Variants in CTNNA2 observed in about 807,000 individuals in gnomAD.
CTNNA2 encodes catenin alpha-2.
In CTNNA2, 42 loss-of-function variants were observed where a neutral mutation model predicts 101.0. That is an observed-to-expected ratio of 0.42 (90% CI 0.32 to 0.54). The LOEUF (loss-of-function observed/expected upper bound fraction) is 0.54. CTNNA2 is among the 20% of genes least tolerant of loss of function. CTNNA2 has a pLI of 0.14. For synonymous variants in CTNNA2, 450 were observed against 456.4 expected (o/e 0.99, Z 0.18); for missense variants, 871 against 1,223.1 (o/e 0.71, Z 4.29).
intron 3 of CTNNA2, among the ~76,000 whole-genome samples, chr2:79,777,318 A>G (rs1020250822): frequency 6.8e-6 from 1 of 146,598 alleles, no homozygotes; most frequent in Non-Finnish European, 1.5e-5. Flanking sequence ...CCCATACCAA[A>G]CACTTGTTAT....
At chr2:79,901,662 G>A (rs1685075159) in intron 6 of CTNNA2, among the ~76,000 whole-genome samples, 1 of 152,162 alleles carries the variant, frequency 6.6e-6, no homozygotes, top group South Asian at 2.1e-4. Flanking sequence ...AATGTTGAAA[G>A]CCAGAAAGTG....
At chr2:79,750,264 G>T (rs1465571241) in intron 3 of CTNNA2, among the ~76,000 whole-genome samples, 4 of 152,166 alleles carry the variant, frequency 2.6e-5, no homozygotes, top group African/African-American at 4.8e-5. Flanking sequence ...TAATTGAGGG[G>T]TTCTCAAACT....
At chr2:80,543,728 C>G (rs991283584) in intron 9 of CTNNA2, among the ~76,000 whole-genome samples, 1 of 152,164 alleles carries the variant, frequency 6.6e-6, no homozygotes, top group Non-Finnish European at 1.5e-5. Context: ...CCTAAGGTTT[C>G]TTTCACATTA....
intron 7 of CTNNA2, among the ~76,000 whole-genome samples, chr2:79,913,594 G>A (rs1685964323): frequency 6.6e-6 from 1 of 152,198 alleles, no homozygotes; most frequent in Admixed American, 6.5e-5. Flanking sequence ...GACAGGTGAG[G>A]AGGCCCTGCG....
chr2:80,244,866 C>A (rs949386874), intron 7 of CTNNA2, among the ~76,000 whole-genome samples: 5 of 152,160 alleles, frequency 3.3e-5, no homozygotes, highest in Admixed American at 1.3e-4. Context: ...CCATATCACA[C>A]ATCTCAACAG....
intron 3 of CTNNA2, among the ~76,000 whole-genome samples, chr2:79,789,411 C>A (rs1215073244): frequency 1.3e-5 from 2 of 152,058 alleles, no homozygotes; most frequent in East Asian, 3.9e-4. Flanking sequence ...GGTCAGCTCA[C>A]AAAGGACATT....
At chr2:80,263,490 A>G (rs906356480) in intron 7 of CTNNA2, among the ~76,000 whole-genome samples, 2 of 152,094 alleles carry the variant, frequency 1.3e-5, no homozygotes, top group African/African-American at 4.8e-5. Flanking sequence ...ACGTGCCACC[A>G]TGCCTGGCTA....
At chr2:80,230,120 A>G (rs916674061) in intron 7 of CTNNA2, among the ~76,000 whole-genome samples, 1 of 152,176 alleles carries the variant, frequency 6.6e-6, no homozygotes, top group Non-Finnish European at 1.5e-5. Context: ...TGTACCATCT[A>G]GGTTTGTGTA....
chr2:79,936,373 G>A (rs1249586104), intron 7 of CTNNA2, among the ~76,000 whole-genome samples: 1 of 152,014 alleles, frequency 6.6e-6, no homozygotes, highest in East Asian at 1.9e-4. Flanking sequence ...TGTGAAAGGA[G>A]GAATGGTGAA....
intron 7 of CTNNA2, chr2:80,305,193 C>G: frequency 1.0e-6 from 1 of 985,376 alleles, no homozygotes; most frequent in Non-Finnish European, 1.2e-6. Flanking sequence ...TTTTTTCCCC[C>G]TCTTGCGGGT....
At chr2:80,524,957 G>A (rs1226500693) in intron 9 of CTNNA2, among the ~76,000 whole-genome samples, 1 of 151,976 alleles carries the variant, frequency 6.6e-6, no homozygotes, top group African/African-American at 2.4e-5. Flanking sequence ...ATTTACATAG[G>A]TTTTTGGGGA....
At chr2:79,412,554 C>T (rs953290561) in intron 4 of CTNNA2, among the ~76,000 whole-genome samples, 1 of 151,812 alleles carries the variant, frequency 6.6e-6, no homozygotes, top group African/African-American at 2.4e-5. Context: ...TCTCTCAGAC[C>T]ACAGTGCAAT....
At chr2:80,496,395 C>CTT (rs34221173) in intron 9 of CTNNA2, among the ~76,000 whole-genome samples, 5 of 131,730 alleles carry the variant, frequency 3.8e-5, no homozygotes, top group South Asian at 2.5e-4. Flanking sequence ...TCTTCACTGT[C>CTT]TTTTTTTTTT....
chr2:79,855,220 CT>C (rs1439116101), intron 3 of CTNNA2, among the ~76,000 whole-genome samples: 1 of 152,088 alleles, frequency 6.6e-6, no homozygotes, highest in Non-Finnish European at 1.5e-5. Flanking sequence ...CTTTCTTTCT[CT>C]CTCTCTCTGT....
chr2:79,740,615 T>C (rs1009683921), intron 2 of CTNNA2, among the ~76,000 whole-genome samples: 8 of 152,160 alleles, frequency 5.3e-5, no homozygotes, highest in Admixed American at 5.2e-4. Context: ...AAATAATGCC[T>C]TTGAATGAAA....
intron 3 of CTNNA2, among the ~76,000 whole-genome samples, chr2:79,751,482 G>A (rs1224890348): frequency 1.3e-5 from 2 of 150,716 alleles, no homozygotes; most frequent in African/African-American, 4.9e-5. Context: ...TGTAGCTCCA[G>A]ATAGGCGGGA....
At chr2:80,037,020 C>T (rs1337847599) in intron 7 of CTNNA2, among the ~76,000 whole-genome samples, 1 of 152,106 alleles carries the variant, frequency 6.6e-6, no homozygotes. Context: ...ATTGGTGAAA[C>T]TTGTCCATTG....
At chr2:79,298,448 A>G (rs1676033117) in intron 2 of CTNNA2, among the ~76,000 whole-genome samples, 1 of 152,120 alleles carries the variant, frequency 6.6e-6, no homozygotes, top group Non-Finnish European at 1.5e-5. Flanking sequence ...AAGCATCCAA[A>G]TTATACATCA....
chr2:79,388,114 A>G (rs1201044072), intron 4 of CTNNA2, among the ~76,000 whole-genome samples: 3 of 152,190 alleles, frequency 2.0e-5, no homozygotes, highest in Non-Finnish European at 2.9e-5. Flanking sequence ...TTGAGGAGAT[A>G]TTTCTGCTAG....
Sources: allele counts gnomAD v4.1 joint callset (sites outside exome capture counted in the v4.1 genomes callset), GRCh38; gene constraint gnomAD v4.1.1; transcripts MANE v1.5; gene names NCBI Gene and HGNC (gene_info 2026-07-23, HGNC 2026-07-21).